The following SMOC1 variants were observed in gnomAD, a reference collection of about 807,000 sequenced individuals.
SMOC1 encodes SPARC-related modular calcium-binding protein 1.
SMOC1 carries 22 observed loss-of-function variants against 56.3 expected under a neutral mutation model. That is an observed-to-expected ratio of 0.39 (90% CI 0.28 to 0.56). SMOC1 has a LOEUF of 0.56. SMOC1 is among the 20% of genes least tolerant of loss of function. SMOC1 has a pLI of 0.61. For synonymous variants in SMOC1, 193 were observed against 215.0 expected (o/e 0.90, Z 0.89); for missense variants, 509 against 565.4 (o/e 0.90, Z 1.01).
chr14:69,897,024 T>G (rs986912514), intron 1 of SMOC1, among the ~76,000 whole-genome samples: 1 of 152,234 alleles, frequency 6.6e-6, no homozygotes, highest in East Asian at 1.9e-4. Context: ...CTGATTGATG[T>G]GCCCTCCTCA....
At chr14:69,975,613 G>A in intron 3 of SMOC1, 102 bp from the exon 4 acceptor site, 1 of 859,664 alleles carries the variant, frequency 1.2e-6, no homozygotes, top group South Asian at 1.3e-5. Flanking sequence ...GGTGGAAGAT[G>A]CTCTTTCACC....
At chr14:69,925,474 G>A (rs1594805400) in intron 1 of SMOC1, among the ~76,000 whole-genome samples, 2 of 152,052 alleles carry the variant, frequency 1.3e-5, no homozygotes, top group African/African-American at 4.8e-5. Flanking sequence ...TGCAATCACA[G>A]GATCCAGTCC....
chr14:69,997,209 A>T (rs74061016), intron 7 of SMOC1, among the ~76,000 whole-genome samples: 2,246 of 152,350 alleles, frequency 0.015, 53 homozygotes, highest in African/African-American at 0.05. Context: ...TGACATGCCC[A>T]GGTAAGCCTG....
intron 1 of SMOC1, among the ~76,000 whole-genome samples, chr14:69,880,482 A>G (rs1208213082): frequency 6.6e-6 from 1 of 152,146 alleles, no homozygotes; most frequent in East Asian, 1.9e-4. Flanking sequence ...GAAACCTGCC[A>G]ATTCTGTGCA....
chr14:69,901,334 C>G (rs972220779), intron 1 of SMOC1, among the ~76,000 whole-genome samples: 2 of 152,146 alleles, frequency 1.3e-5, no homozygotes, highest in African/African-American at 2.4e-5. Context: ...CTTTGTTCAG[C>G]CTTTGACTCA....
intron 3 of SMOC1, among the ~76,000 whole-genome samples, chr14:69,956,696 G>C (rs557908129): frequency 2.0e-5 from 3 of 152,098 alleles, no homozygotes; most frequent in Non-Finnish European, 2.9e-5. Context: ...CTTCATGTGG[G>C]ACTCGCTGGC....
At chr14:70,016,772 C>T (rs964327983) in intron 10 of SMOC1, among the ~76,000 whole-genome samples, 1 of 152,210 alleles carries the variant, frequency 6.6e-6, no homozygotes, top group Non-Finnish European at 1.5e-5. Context: ...TGTTCCAGGA[C>T]CTCTATGTCA....
At chr14:70,028,527 A>G (rs143364829) in intron 11 of SMOC1, among the ~76,000 whole-genome samples, 1 of 152,352 alleles carries the variant, frequency 6.6e-6, no homozygotes, top group East Asian at 1.9e-4. Flanking sequence ...CTGAGGATTA[A>G]CTGATAGGAC....
intron 3 of SMOC1, among the ~76,000 whole-genome samples, chr14:69,956,540 G>A (rs984036): frequency 0.22 from 32,724 of 149,446 alleles, 4,366 homozygotes; most frequent in East Asian, 0.39. Flanking sequence ...CACGCATCCC[G>A]GTATTAACAT....
chr14:69,923,944 G>A (rs900416126), intron 1 of SMOC1, among the ~76,000 whole-genome samples: 9 of 151,582 alleles, frequency 5.9e-5, no homozygotes, highest in Admixed American at 2.6e-4. Flanking sequence ...TCCCCTGGTC[G>A]GGCTGCCTTC....
chr14:69,894,108 A>C (rs1884034218), intron 1 of SMOC1, among the ~76,000 whole-genome samples: 1 of 152,222 alleles, frequency 6.6e-6, no homozygotes, highest in Non-Finnish European at 1.5e-5. Flanking sequence ...GTATTTTGTT[A>C]TGGCAGCCCT....
At chr14:69,934,237 C>T (rs1594810186) in intron 1 of SMOC1, among the ~76,000 whole-genome samples, 3 of 152,264 alleles carry the variant, frequency 2.0e-5, no homozygotes, top group East Asian at 1.9e-4. Flanking sequence ...TGCTGTGTCC[C>T]GTTGAAGGCT....
At chr14:69,895,341 G>A (rs979344359) in intron 1 of SMOC1, among the ~76,000 whole-genome samples, 53 of 152,230 alleles carry the variant, frequency 3.5e-4, no homozygotes, top group African/African-American at 1.3e-3. Context: ...CAAGTAGCCA[G>A]CGATTCTGTT....
At chr14:69,963,102 A>C (rs10143792) in intron 3 of SMOC1, among the ~76,000 whole-genome samples, 50,994 of 151,922 alleles carry the variant, frequency 0.34, 8,848 homozygotes, top group East Asian at 0.39. Context: ...GCCACACTCT[A>C]CTGATTACTA....
intron 1 of SMOC1, among the ~76,000 whole-genome samples, chr14:69,926,286 G>C (rs1885010106): frequency 6.6e-6 from 1 of 152,196 alleles, no homozygotes; most frequent in South Asian, 2.1e-4. Flanking sequence ...GCAAGGAGAA[G>C]GCTCAATACC....
intron 4 of SMOC1, among the ~76,000 whole-genome samples, chr14:69,976,690 G>A (rs1336877024): frequency 6.6e-6 from 1 of 152,088 alleles, no homozygotes; most frequent in Non-Finnish European, 1.5e-5. Context: ...ATGTGGCTCA[G>A]CTCTCTCAAA....
chr14:69,955,216 A>G lies in SMOC1; in HGVS notation c.378+1684A>G, dbSNP rs192013612. Among the ~76,000 whole-genome samples, 224 of 152,266 alleles carry G rather than the reference A, an allele frequency of 1.5e-3. 1 individual carries two copies. Among genetic ancestry groups the G allele is most frequent in the Non-Finnish European group, 2.5e-3 (171 of 68,022 alleles). On this transcript the variant is annotated intron_variant, in intron 3 of 11. Transcript: ENST00000361956. Reference sequence around the variant, plus strand: ...AGTCCAGAGCCCTCAGAAGCCCTCCATACTCTGTTGGCTCTCTGAGCTGGC... The same window carrying G: ...AGTCCAGAGCCCTCAGAAGCCCTCCGTACTCTGTTGGCTCTCTGAGCTGGC...
chr14:70,018,444 G>T (rs1885596918), intron 10 of SMOC1, among the ~76,000 whole-genome samples: 1 of 152,190 alleles, frequency 6.6e-6, no homozygotes, highest in Non-Finnish European at 1.5e-5. Context: ...GGGTGTCTGT[G>T]AAAACTCTAT....
intron 3 of SMOC1, among the ~76,000 whole-genome samples, chr14:69,964,875 T>C (rs1255891118): frequency 6.6e-6 from 1 of 151,616 alleles, no homozygotes; most frequent in Non-Finnish European, 1.5e-5. Flanking sequence ...AGTGGCAGAG[T>C]CAGTATTCAA....
Sources: allele counts gnomAD v4.1 joint callset (sites outside exome capture counted in the v4.1 genomes callset), GRCh38; gene constraint gnomAD v4.1.1; transcripts MANE v1.5; gene names NCBI Gene and HGNC (gene_info 2026-07-23, HGNC 2026-07-21).